The following CLCN5 variants were observed in gnomAD, a reference collection of about 807,000 sequenced individuals.
The protein encoded by CLCN5 is Cl-/H+ antiporter 5.
Under a neutral mutation model 54.0 loss-of-function variants are expected in CLCN5, and 17 were observed. The observed-to-expected ratio is 0.31, with a 90% CI of 0.22 to 0.47. CLCN5 has a LOEUF of 0.47. CLCN5 is among the 20% of genes least tolerant of loss of function. The pLI, the probability that CLCN5 is intolerant of heterozygous loss-of-function variation, is 1.00. For missense variants in CLCN5, 448 were observed against 646.7 expected (o/e 0.69, Z 3.33); for synonymous variants, 222 against 233.0 (o/e 0.95, Z 0.43).
intron 9 of CLCN5, among the ~76,000 whole-genome samples, chrX:50,082,628 A>C (rs1397877223): frequency 1.8e-5 from 2 of 111,624 alleles, no homozygotes; most frequent in African/African-American, 3.3e-5. Flanking sequence ...CAAACTGTTA[A>C]AAATGTTTAT....
chrX:50,040,476 C>G (rs1202003399), intron 3 of CLCN5, among the ~76,000 whole-genome samples: 2 of 111,967 alleles, frequency 1.8e-5, no homozygotes, highest in Non-Finnish European at 3.8e-5. Flanking sequence ...TTATTTAGTT[C>G]ACATTTGCAC....
rs912958409 is a variant in CLCN5, at chrX:50,077,224, G to A, written c.603+1242G>A. ...ATATACATGTATGACTATGCATCTT[G>A]GCTTAGGTAAAGGGTTCAATAAAAG... On this transcript the variant is annotated intron_variant, in intron 7 of 14. Coordinates refer to ENST00000376091, the MANE Select transcript of CLCN5 (RefSeq NM_001127898.4). 2.7e-5 allele frequency among the ~76,000 whole-genome samples: 3 copies of A among 110,877 alleles called. No homozygotes were observed. The Admixed American group carries it at 2.9e-4, about 11-fold the overall frequency.
At chrX:50,006,040 A>G (rs112438696) in intron 3 of CLCN5, among the ~76,000 whole-genome samples, 6,769 of 112,022 alleles carry the variant, frequency 0.06, 548 homozygotes, top group African/African-American at 0.21. Flanking sequence ...TTTGCTTCAC[A>G]AGTATGGTTC....
chrX:49,937,200 ATTAT>A (rs1926044237), intron 3 of CLCN5, among the ~76,000 whole-genome samples: 1 of 111,806 alleles, frequency 8.9e-6, no homozygotes, highest in Non-Finnish European at 1.9e-5. Flanking sequence ...GAAGGGAGGT[ATTAT>A]TTAAGAATTC....
At chrX:50,050,930 G>C (rs1490446732) in intron 4 of CLCN5, among the ~76,000 whole-genome samples, 2 of 110,787 alleles carry the variant, frequency 1.8e-5, no homozygotes, top group Non-Finnish European at 3.8e-5. Flanking sequence ...CCAAAGTGCG[G>C]GGATTACAGG....
intron 3 of CLCN5, among the ~76,000 whole-genome samples, chrX:50,027,435 G>A (rs1162162697): frequency 8.9e-6 from 1 of 111,836 alleles, no homozygotes; most frequent in Non-Finnish European, 1.9e-5. Context: ...TTCAGTTTCA[G>A]AAGTTTCTGT....
intron 3 of CLCN5, among the ~76,000 whole-genome samples, chrX:49,970,699 A>G (rs782083910): frequency 2.7e-5 from 3 of 112,208 alleles, no homozygotes; most frequent in African/African-American, 9.7e-5. Context: ...TTTGGCTATT[A>G]CAAATAATGC....
chrX:50,056,411 A>G (rs1557188938), intron 4 of CLCN5, among the ~76,000 whole-genome samples: 1 of 111,495 alleles, frequency 9.0e-6, no homozygotes, highest in African/African-American at 3.3e-5. Context: ...AATGTGTACA[A>G]TTGAGAAGGA....
chrX:50,086,096 T>C, intron 10 of CLCN5, 36 bp downstream of exon 10: 1 of 1,069,459 alleles, frequency 9.4e-7, no homozygotes, highest in Non-Finnish European at 1.3e-6. Context: ...GTGCATGCTT[T>C]TGTGTCAGGA....
At chrX:50,000,523 G>A (rs781824067) in intron 3 of CLCN5, among the ~76,000 whole-genome samples, 4 of 111,087 alleles carry the variant, frequency 3.6e-5, no homozygotes, top group African/African-American at 9.9e-5. Context: ...CATCTCACAT[G>A]TGTGTGCCAA....
chrX:50,077,215 A>G (rs1053721734), intron 7 of CLCN5, among the ~76,000 whole-genome samples: 11 of 111,223 alleles, frequency 9.9e-5, no homozygotes, highest in Non-Finnish European at 1.7e-4. Flanking sequence ...ATGTATGACT[A>G]TGCATCTTGG....
intron 3 of CLCN5, among the ~76,000 whole-genome samples, chrX:49,959,558 A>G (rs782005427): frequency 8.9e-6 from 1 of 112,297 alleles, no homozygotes; most frequent in South Asian, 3.7e-4. Context: ...CTCCACAGTC[A>G]TCTTAAATGG....
chrX:49,938,764 G>A (rs1487793403), intron 3 of CLCN5, among the ~76,000 whole-genome samples: 2 of 106,128 alleles, frequency 1.9e-5, no homozygotes, highest in Admixed American at 1.0e-4. Flanking sequence ...CAAAAGCAAT[G>A]GCAACAAAAG....
At chrX:50,018,472 A>G (rs1183077875) in intron 3 of CLCN5, among the ~76,000 whole-genome samples, 1 of 111,470 alleles carries the variant, frequency 9.0e-6, no homozygotes, top group Non-Finnish European at 1.9e-5. Context: ...TCTTTTTTGC[A>G]TTAGCTAGGT....
Position 50,090,459 on chromosome X carries a change from G to C in CLCN5, c.2088G>C (p.Arg696=). The change falls in exon 13 of 15, where the codon CGG becomes CGC. Residue 696 remains arginine (R), a synonymous_variant. Transcript: ENST00000376091. ...GTGGCTTCCCAGTGGTGGTATCCCG[G>C]GAGTCCCAAAGACTTGTGGGCTTTG... ...TYSGFPVVVS[R]ESQRLVGFVL... The C allele has an allele frequency of 8.3e-7, 1 of 1,209,407 alleles. No homozygotes were observed.
chrX:50,080,828 C>G, intron 8 of CLCN5, 112 bp downstream of exon 8: 1 of 677,734 alleles, frequency 1.5e-6, no homozygotes, highest in Non-Finnish European at 2.3e-6. Context: ...TAAACAGGAT[C>G]AGATCCTGAG....
chrX:49,985,028 GCATATTTA>G (rs1928932481), intron 3 of CLCN5, among the ~76,000 whole-genome samples: 1 of 109,778 alleles, frequency 9.1e-6, no homozygotes, highest in South Asian at 3.9e-4. Context: ...GTGATTTGTG[GCATATTTA>G]CATATGGAAT....
chrX:50,007,873 G>T (rs1930280135), intron 3 of CLCN5, among the ~76,000 whole-genome samples: 1 of 111,960 alleles, frequency 8.9e-6, no homozygotes, highest in African/African-American at 3.2e-5. Context: ...GGGAAAATCA[G>T]GTCGATTCTC....
intron 3 of CLCN5, among the ~76,000 whole-genome samples, chrX:49,932,404 CA>C (rs1925704709): frequency 8.9e-6 from 1 of 112,156 alleles, no homozygotes; most frequent in Non-Finnish European, 1.9e-5. Context: ...TATTTACTTT[CA>C]ATTTTTATGC....
Sources: gnomAD v4.1 joint callset for allele counts (sites outside exome capture counted in the v4.1 genomes callset) on GRCh38, gnomAD v4.1.1 for gene constraint, MANE v1.5 for transcripts, NCBI Gene and HGNC (gene_info 2026-07-23, HGNC 2026-07-21) for gene names.